NLRP5: variants seen among roughly 807,000 people sequenced by gnomAD.
NLRP5 encodes NLR family pyrin domain containing 5, also known as NACHT, LRR and PYD domains-containing protein 5.
In NLRP5, 93 loss-of-function variants were observed where a neutral mutation model predicts 113.1. The observed-to-expected ratio is 0.82, with a 90% CI of 0.70 to 0.98. The LOEUF (loss-of-function observed/expected upper bound fraction) is 0.98, where lower values mean the gene tolerates loss of function less well. Among genes scored for constraint, NLRP5 ranks in the 50% least tolerant of loss-of-function variants. NLRP5 has a pLI of 0.00. For synonymous variants in NLRP5, 751 were observed against 600.7 expected (o/e 1.25, Z -3.66); for missense variants, 1,808 against 1,514.3 (o/e 1.19, Z -3.22).
chr19:56,052,245 T>C (rs1293274702), intron 12 of NLRP5, among the ~76,000 whole-genome samples: 1 of 150,498 alleles, frequency 6.6e-6, no homozygotes, highest in East Asian at 1.9e-4. Context: ...GGTTTTGTTT[T>C]GTTTTGTTTT....
At chr19:55,987,231 G>A in the NLRP5 span, among the ~76,000 whole-genome samples, 3 of 152,190 alleles carry the variant, frequency 2.0e-5, no homozygotes, top group South Asian at 2.1e-4. Context: ...TGAGCTGGGC[G>A]TGGTGGCATG....
Position 56,027,104 on chromosome 19 carries a change from G to A in NLRP5, c.871G>A (p.Gly291Arg). The change falls in exon 7 of 15, where the codon GGG becomes AGG. Residue 291 changes from glycine to arginine, a missense_variant. Transcript: ENST00000390649. ...GGTTCTGCACGGAAAGTCAGGAATT[G>A]GGAAATCGGCTCTAGCCAGAAGGAT... is the stretch of plus-strand genomic sequence containing the variant. 2.5e-6 allele frequency: 4 copies of A among 1,576,760 alleles called. No homozygotes were observed. Among genetic ancestry groups the A allele is most frequent in the Non-Finnish European group, 3.4e-6 (4 of 1,161,330 alleles).
Position 56,020,442 on chromosome 19 carries a change from T to G in NLRP5, c.679+11T>G. 1 of 1,611,844 alleles carries G rather than the reference T, an allele frequency of 6.2e-7. No homozygotes were observed. The highest frequency in any genetic ancestry group is 8.5e-7 in the Non-Finnish European group (1 of 1,178,570). Reference sequence around the variant, plus strand: ...AGACAGAAGAACAAGGTGAGGAAAATAGATGTATTCCTTGGTTGCCCTCCT... The same window carrying G: ...AGACAGAAGAACAAGGTGAGGAAAAGAGATGTATTCCTTGGTTGCCCTCCT... On this transcript the variant is annotated intron_variant, in intron 6 of 14. Coordinates refer to ENST00000390649, the MANE Select transcript of NLRP5 (RefSeq NM_153447.4).
rs763267153 is a variant in NLRP5 at position 56,050,605 on chromosome 19, C to T, written c.3128+17C>T. On this transcript the variant is annotated intron_variant, in intron 12 of 14. Coordinates refer to ENST00000390649, the MANE Select transcript of NLRP5 (RefSeq NM_153447.4). The stretch of plus-strand genomic sequence containing the variant: ...GGACCTGGAGTGAGTTTCCCATGGG[C>T]GTTGGGTCAACTCTATCATACTGGG... 5 of 1,610,510 alleles carry T rather than the reference C, an allele frequency of 3.1e-6. No homozygotes were observed. The highest frequency in any genetic ancestry group is 2.2e-5 in the South Asian group (2 of 90,662).
chr19:56,020,083 C>T (rs995840872), intron 5 of NLRP5, among the ~76,000 whole-genome samples: 10 of 151,912 alleles, frequency 6.6e-5, no homozygotes, highest in South Asian at 2.1e-4. Context: ...CTGCCCACCT[C>T]GGCCTCCCAA....
chr19:55,993,873 T>G, the NLRP5 span, among the ~76,000 whole-genome samples: 44 of 151,626 alleles, frequency 2.9e-4, no homozygotes, highest in African/African-American at 9.0e-4. Context: ...ATACCACGTT[T>G]TCTTGATTCA....
At chr19:56,054,074 T>C (rs1372060617) in intron 13 of NLRP5, among the ~76,000 whole-genome samples, 1 of 152,160 alleles carries the variant, frequency 6.6e-6, no homozygotes, top group African/African-American at 2.4e-5. Flanking sequence ...TGCGTGCTAG[T>C]CCTGGTGCTA....
In NLRP5 at chr19:56,003,957, G is replaced by A. The variant is rs373401163; in HGVS notation, c.304G>A (p.Glu102Lys). Reference sequence around the variant, plus strand: ...ATGCTCTATTCCACAGTTTGAAATCGAGAATGCCAACGTGGAATGTCTGGC... The same window carrying A: ...ATGCTCTATTCCACAGTTTGAAATCAAGAATGCCAACGTGGAATGTCTGGC... Residue 102 changes from glutamate (E) to lysine (K), a missense_variant, in exon 2 of 15, where the codon GAG becomes AAG. Coordinates refer to ENST00000390649, the MANE Select transcript of NLRP5 (RefSeq NM_153447.4). 5.0e-6 allele frequency: 8 copies of A among 1,613,946 alleles called. No homozygotes were observed. Among genetic ancestry groups the A allele is most frequent in the South Asian group, 3.3e-5 (3 of 91,072 alleles).
chr19:56,022,685 C>T (rs1982661154), intron 6 of NLRP5, among the ~76,000 whole-genome samples: 1 of 152,144 alleles, frequency 6.6e-6, no homozygotes, highest in Admixed American at 6.6e-5. Flanking sequence ...TAGAAAAAAC[C>T]TATGAGAGAA....
In NLRP5 at chr19:56,058,305, G is replaced by A. The variant is rs201423862; in HGVS notation, c.3365G>A (p.Arg1122Gln). 30 of 1,613,836 alleles carry A rather than the reference G, an allele frequency of 1.9e-5. No individual in the cohort carries two copies. The highest frequency in any genetic ancestry group is 8.9e-5 in the East Asian group (4 of 44,880). Reference sequence around the variant, plus strand: ...CTCTCCTTGGCCCTTTCCTGCAACCGGCATCTGACCAGTCTAAACCTGGTG... The same window carrying A: ...CTCTCCTTGGCCCTTTCCTGCAACCAGCATCTGACCAGTCTAAACCTGGTG... The change falls in exon 14 of 15, where the codon CGG becomes CAG. Residue 1122 changes from arginine (R) to glutamine (Q), a missense_variant. Arg to Gln is a conservative substitution (Grantham distance 43, BLOSUM62 1). Coordinates refer to ENST00000390649, the MANE Select transcript of NLRP5 (RefSeq NM_153447.4).
In NLRP5 at chr19:56,028,214, G is replaced by A; in HGVS notation, c.1981G>A (p.Val661Met). 1 of 1,613,894 alleles carries A rather than the reference G, an allele frequency of 6.2e-7. No individual in the cohort carries two copies. Among genetic ancestry groups the A allele is most frequent in the Non-Finnish European group, 8.5e-7 (1 of 1,179,904 alleles). The change falls in exon 7 of 15, where the codon GTG becomes ATG. Residue 661 changes from valine to methionine, a missense_variant. Physicochemically the swap from Val to Met is conservative, Grantham distance 21. Transcript: ENST00000390649. Reference sequence around the variant, plus strand: ...GCTGGGCTGTCCCGTTCCCCTGGGGGTGAAGCAGAAGCTTCTGCACTGGGT... The same window carrying A: ...GCTGGGCTGTCCCGTTCCCCTGGGGATGAAGCAGAAGCTTCTGCACTGGGT...
intron 5 of NLRP5, 56 bp downstream of exon 5, chr19:56,019,454 G>A (rs968235151): frequency 7.8e-6 from 12 of 1,540,556 alleles, no homozygotes; most frequent in Admixed American, 3.4e-5. Flanking sequence ...TTGGGTGAAA[G>A]AAGTGTAAGT....
intron 9 of NLRP5, among the ~76,000 whole-genome samples, chr19:56,034,407 C>A (rs148459819): frequency 6.6e-6 from 1 of 152,196 alleles, no homozygotes; most frequent in Non-Finnish European, 1.5e-5. Flanking sequence ...AAGTGCCCTT[C>A]TGGCAGTTTC....
At chr19:56,051,208 ATTTAT>A (rs1568502336) in intron 12 of NLRP5, among the ~76,000 whole-genome samples, 2 of 152,010 alleles carry the variant, frequency 1.3e-5, no homozygotes, top group South Asian at 2.1e-4. Flanking sequence ...TTGTTTGTTT[ATTTAT>A]TTTGAGTCTT....
chr19:56,037,518 C>A (rs1400829151), intron 9 of NLRP5, among the ~76,000 whole-genome samples: 1 of 151,874 alleles, frequency 6.6e-6, no homozygotes, highest in Non-Finnish European at 1.5e-5. Flanking sequence ...CATGATGAAA[C>A]CCCGTGTGTA....
chr19:55,988,783 C>T, the NLRP5 span, among the ~76,000 whole-genome samples: 3 of 152,040 alleles, frequency 2.0e-5, no homozygotes, highest in Non-Finnish European at 4.4e-5. Flanking sequence ...TTAGATATGA[C>T]AGTCCGAAAT....
chr19:56,028,153 C>G lies in NLRP5; in HGVS notation c.1920C>G (p.Leu640=), dbSNP rs771082914. The change falls in exon 7 of 15, where the codon CTC becomes CTG. Residue 640 remains leucine, a synonymous_variant. Transcript: ENST00000390649. Reference sequence around the variant, plus strand: ...GGATGAAGCGTTTCTTGTTTGGCCTCGTGAGCGAAGACGTAAGGAGGCCAC... The same window carrying G: ...GGATGAAGCGTTTCTTGTTTGGCCTGGTGAGCGAAGACGTAAGGAGGCCAC... The G allele has an allele frequency of 6.2e-5, 100 of 1,613,840 alleles. No homozygotes were observed. The highest frequency in any genetic ancestry group is 8.1e-5 in the Non-Finnish European group (96 of 1,179,894).
At chr19:56,002,452 AG>A in intron 1 of NLRP5, among the ~76,000 whole-genome samples, 1 of 151,400 alleles carries the variant, frequency 6.6e-6, no homozygotes, top group South Asian at 2.1e-4. Flanking sequence ...TATTTGCCAG[AG>A]GTTTTTTTTT....
At chr19:56,052,211 G>C (rs1181478311) in intron 12 of NLRP5, among the ~76,000 whole-genome samples, 3 of 151,828 alleles carry the variant, frequency 2.0e-5, no homozygotes, top group Non-Finnish European at 4.4e-5. Flanking sequence ...TTGGATTTTT[G>C]TGTGTTTTGT....
Sources: gnomAD v4.1 joint callset for allele counts (sites outside exome capture counted in the v4.1 genomes callset) on GRCh38, gnomAD v4.1.1 for gene constraint, MANE v1.5 for transcripts, NCBI Gene and HGNC (gene_info 2026-07-23, HGNC 2026-07-21) for gene names.